The following GPHN variants were observed in gnomAD, a reference collection of about 807,000 sequenced individuals.
GPHN encodes the protein gephyrin.
GPHN carries 17 observed loss-of-function variants against 95.5 expected under a neutral mutation model. The observed-to-expected ratio is 0.18, with a 90% CI of 0.12 to 0.27. The LOEUF is 0.27. Among genes scored for constraint, GPHN ranks in the 10% least tolerant of loss-of-function variants. GPHN has a pLI of 1.00. For synonymous variants in GPHN, 320 were observed against 322.5 expected, an observed-to-expected ratio of 0.99 and a Z score of 0.08; for missense variants, 660 against 978.1, an observed-to-expected ratio of 0.67 and a Z score of 4.34.
intron 11 of GPHN, among the ~76,000 whole-genome samples, chr14:67,084,695 T>G (rs1291568722): frequency 6.6e-6 from 1 of 152,176 alleles, no homozygotes; most frequent in African/African-American, 2.4e-5. Flanking sequence ...GATGAATGGA[T>G]GAGCAAATCA....
At chr14:66,567,829 G>C (rs1336288451) in intron 1 of GPHN, among the ~76,000 whole-genome samples, 1 of 151,800 alleles carries the variant, frequency 6.6e-6, no homozygotes, top group African/African-American at 2.4e-5. Context: ...GTGTTTTTTT[G>C]AGTATATTGT....
chr14:66,631,038 T>TG (rs1018025819), intron 1 of GPHN, among the ~76,000 whole-genome samples: 83 of 151,976 alleles, frequency 5.5e-4, no homozygotes, highest in African/African-American at 2.0e-3. Flanking sequence ...GTCGTTCTTT[T>TG]TTTTTGTTTT....
chr14:66,703,877 T>A (rs1322895260), intron 2 of GPHN, among the ~76,000 whole-genome samples: 1 of 151,290 alleles, frequency 6.6e-6, no homozygotes, highest in Non-Finnish European at 1.5e-5. Flanking sequence ...TGGTGTGCTG[T>A]ATTCAGGAGG....
At chr14:67,403,385 C>T in the GPHN span, among the ~76,000 whole-genome samples, 2 of 152,200 alleles carry the variant, frequency 1.3e-5, no homozygotes, top group Non-Finnish European at 2.9e-5. Flanking sequence ...CAAACAGAGT[C>T]AGCAGTGATG....
intron 1 of GPHN, among the ~76,000 whole-genome samples, chr14:66,667,605 G>A (rs1820227640): frequency 6.6e-6 from 1 of 152,186 alleles, no homozygotes; most frequent in Non-Finnish European, 1.5e-5. Flanking sequence ...GCCATAGGTC[G>A]AAAATTGAAA....
At chr14:67,597,816 A>G in the GPHN span, among the ~76,000 whole-genome samples, 4 of 152,046 alleles carry the variant, frequency 2.6e-5, no homozygotes, top group Non-Finnish European at 4.4e-5. Context: ...CCAAGGAAAC[A>G]GGATTTAATT....
chr14:67,501,044 T>TTAA, the GPHN span, among the ~76,000 whole-genome samples: 61,794 of 136,990 alleles, frequency 0.45, 13,838 homozygotes, highest in South Asian at 0.58. Context: ...TACTTGGGGG[T>TTAA]TAATAATAAT....
At chr14:67,060,455 GC>G (rs1417640610) in intron 11 of GPHN, among the ~76,000 whole-genome samples, 3 of 152,082 alleles carry the variant, frequency 2.0e-5, no homozygotes, top group Non-Finnish European at 4.4e-5. Flanking sequence ...AATTTTTTGT[GC>G]AAATGGGTAT....
intron 1 of GPHN, among the ~76,000 whole-genome samples, chr14:66,646,813 A>G (rs2064773629): frequency 6.6e-6 from 1 of 152,124 alleles, no homozygotes; most frequent in South Asian, 2.1e-4. Flanking sequence ...GGGTAATTAT[A>G]TTTAACAGTA....
At chr14:67,137,785 T>A (rs550048064) in intron 17 of GPHN, among the ~76,000 whole-genome samples, 4 of 152,018 alleles carry the variant, frequency 2.6e-5, no homozygotes, top group Non-Finnish European at 5.9e-5. Context: ...AAAAAGAGAT[T>A]TATCTTTAAA....
chr14:67,575,778 C>T, the GPHN span: 9 of 1,460,134 alleles, frequency 6.2e-6, no homozygotes, highest in African/African-American at 5.5e-5. Flanking sequence ...GAGACTCCCT[C>T]ATCCCCCACT....
In GPHN at chr14:66,562,894, T is replaced by C. The variant is rs534349955; in HGVS notation, c.64+54303T>C. Among the ~76,000 whole-genome samples the C allele has an allele frequency of 2.6e-5, 4 of 152,128 alleles. No homozygotes were observed. In the South Asian group the frequency reaches 6.2e-4, roughly 24 times the overall value. Reference sequence around the variant, plus strand: ...GTGTGTGTGTGTTTGTGTGTGTGTGTGCGCAAACTTGCCTTTTCTTAATTG... The same window carrying C: ...GTGTGTGTGTGTTTGTGTGTGTGTGCGCGCAAACTTGCCTTTTCTTAATTG... On this transcript the variant is annotated intron_variant, in intron 1 of 22. Transcript: ENST00000478722.
chr14:66,865,600 A>G (rs1392612072), intron 4 of GPHN, among the ~76,000 whole-genome samples: 3 of 152,216 alleles, frequency 2.0e-5, no homozygotes, highest in East Asian at 1.9e-4. Context: ...GATTAGGTAC[A>G]GAAGAAGCCT....
Position 66,751,063 on chromosome 14 carries a change from T to C in GPHN, c.144-25401T>C, listed in dbSNP as rs575379376. Among the ~76,000 whole-genome samples, 3 of 152,102 alleles carry C rather than the reference T, an allele frequency of 2.0e-5. No individual in the cohort carries two copies. The South Asian group carries it at 6.2e-4, about 31-fold the overall frequency. On this transcript the variant is annotated intron_variant, in intron 2 of 22. Transcript: ENST00000478722. ...AGTAGCAGAAAAACAATAAATGATA[T>C]TGAAAAAATTTTAGTACTTACATTT... is the stretch of plus-strand genomic sequence containing the variant.
chr14:66,769,631 C>G (rs1349081445), intron 2 of GPHN, among the ~76,000 whole-genome samples: 1 of 152,126 alleles, frequency 6.6e-6, no homozygotes, highest in Non-Finnish European at 1.5e-5. Context: ...CCAGCTCCAT[C>G]CAAGTCCCTG....
At chr14:66,712,795 A>G (rs986993022) in intron 2 of GPHN, among the ~76,000 whole-genome samples, 3 of 152,168 alleles carry the variant, frequency 2.0e-5, no homozygotes, top group Non-Finnish European at 2.9e-5. Flanking sequence ...CACTGCATCC[A>G]CACCAACATC....
At chr14:66,879,089 C>G (rs938448041) in intron 4 of GPHN, among the ~76,000 whole-genome samples, 3 of 152,006 alleles carry the variant, frequency 2.0e-5, no homozygotes, top group Non-Finnish European at 4.4e-5. Flanking sequence ...CCATGATTCT[C>G]AGCAAACTAA....
chr14:67,357,443 T>C, the GPHN span, among the ~76,000 whole-genome samples: 1 of 152,362 alleles, frequency 6.6e-6, no homozygotes, highest in Non-Finnish European at 1.5e-5. Context: ...GATTATTTCC[T>C]GCACCTGATT....
chr14:67,424,028 G>A, the GPHN span, among the ~76,000 whole-genome samples: 7 of 151,924 alleles, frequency 4.6e-5, no homozygotes, highest in East Asian at 1.9e-4. Flanking sequence ...ACCTGAGGTC[G>A]GGAGTTCAAG....
Sources: gnomAD v4.1 joint callset for allele counts (sites outside exome capture counted in the v4.1 genomes callset) on GRCh38, gnomAD v4.1.1 for gene constraint, MANE v1.5 for transcripts, NCBI Gene and HGNC (gene_info 2026-07-23, HGNC 2026-07-21) for gene names.